The following METTL9 variants were observed in gnomAD, a reference collection of about 807,000 sequenced individuals.
The protein encoded by METTL9 is methyltransferase 9, His-X-His N1(pi)-histidine.
In METTL9, 10 loss-of-function variants were observed where a neutral mutation model predicts 36.0. The observed-to-expected ratio is 0.28, with a 90% confidence interval of 0.17 to 0.47. The LOEUF (loss-of-function observed/expected upper bound fraction) is 0.47, where lower values mean the gene tolerates loss of function less well. Among genes scored for constraint, METTL9 ranks in the 20% least tolerant of loss-of-function variants. METTL9 has a pLI of 0.99. For missense variants in METTL9, 246 were observed against 383.5 expected (o/e 0.64, Z 3.00); for synonymous variants, 175 against 149.7 (o/e 1.17, Z -1.23).
intron 4 of METTL9, chr16:21,644,402 T>A (rs746684864): frequency 6.3e-7 from 1 of 1,598,010 alleles, no homozygotes; most frequent in South Asian, 1.1e-5. Flanking sequence ...AATTTCTTAA[T>A]GACAAAAACA....
rs373414513 is a variant in METTL9, at chr16:21,655,465, C to A, written c.*33C>A. On this transcript the variant is annotated 3_prime_UTR_variant, in exon 5 of 5. Transcript: ENST00000358154. ...GAGGTCGAAGTCTTCAGAGTCCGCA[C>A]CCTCCGGGATGTGCCCTTGGAAGAG... 1.8e-5 allele frequency: 29 copies of A among 1,576,702 alleles called. No homozygotes were observed. The highest frequency in any genetic ancestry group is 2.7e-5 in the African/African-American group (2 of 74,030).
intron 4 of METTL9, among the ~76,000 whole-genome samples, chr16:21,636,546 T>C (rs1966097457): frequency 6.6e-6 from 1 of 152,192 alleles, no homozygotes; most frequent in Non-Finnish European, 1.5e-5. Context: ...ATAGATGGGC[T>C]AGTCTCGCTT....
At chr16:21,636,789 C>T (rs1314801610) in intron 4 of METTL9, among the ~76,000 whole-genome samples, 1 of 152,190 alleles carries the variant, frequency 6.6e-6, no homozygotes, top group Admixed American at 6.5e-5. Flanking sequence ...GCGCTAATCA[C>T]TTTTAACTGG....
chr16:21,622,141 C>CTTTTTTTTTTTTTTTTTTTTTT lies in METTL9; in HGVS notation c.567-2769_567-2768insTTTTTTTTTTTTTTTTTTTTTT, dbSNP rs541282506. ...ATAGGTGTGAGCCACCATGCCTGGC[C>CTTTTTTTTTTTTTTTTTTTTTT]TTTTTTTTTTTTTTTTTTTTTGAGA... is the stretch of plus-strand genomic sequence containing the variant. On this transcript the variant is annotated intron_variant, in intron 3 of 4. Coordinates refer to ENST00000358154, the MANE Select transcript of METTL9 (RefSeq NM_016025.5). Among the ~76,000 whole-genome samples the CTTTTTTTTTTTTTTTTTTTTTT allele has an allele frequency of 6.3e-3, 219 of 34,912 alleles. 66 individuals are homozygous for CTTTTTTTTTTTTTTTTTTTTTT. Among genetic ancestry groups the CTTTTTTTTTTTTTTTTTTTTTT allele is most frequent in the Middle Eastern group, 0.04 (2 of 50 alleles). 22.9% of individuals were successfully genotyped at this position (34,912 alleles called of 152,430 possible). A position where few individuals can be genotyped will look rare whatever the true frequency, so the allele number is the denominator to read the frequency against.
At chr16:21,652,533 G>A (rs910785304) in intron 4 of METTL9, 14 of 1,608,018 alleles carry the variant, frequency 8.7e-6, no homozygotes, top group African/African-American at 2.7e-5. Context: ...GAACCTTACC[G>A]ACACAAAATA....
intron 4 of METTL9, chr16:21,643,398 C>A: frequency 1.6e-6 from 1 of 629,064 alleles, no homozygotes; most frequent in East Asian, 2.7e-5. Flanking sequence ...AGTTTCTCAA[C>A]AATAGGAAAT....
At chr16:21,602,917 C>T (rs1478293960) in intron 1 of METTL9, among the ~76,000 whole-genome samples, 2 of 152,050 alleles carry the variant, frequency 1.3e-5, no homozygotes, top group African/African-American at 4.8e-5. Context: ...CCTGGGCCTC[C>T]CAAAGTGCTG....
chr16:21,626,567 C>T (rs1036299368), intron 4 of METTL9, among the ~76,000 whole-genome samples: 2 of 152,164 alleles, frequency 1.3e-5, no homozygotes, highest in African/African-American at 4.8e-5. Context: ...GAGAACAGAT[C>T]TCCCCTTTCC....
rs1417286601 is a variant in METTL9, at chr16:21,655,578, A to AT, written c.*148dup. The AT allele has an allele frequency of 1.5e-6, 1 of 687,152 alleles. No individual in the cohort carries two copies. Among genetic ancestry groups the AT allele is most frequent in the Non-Finnish European group, 2.4e-6 (1 of 412,958 alleles). The allele number at this position is 687,152 out of a possible 1,614,324, so 42.6% of individuals were successfully genotyped here. On this transcript the variant is annotated 3_prime_UTR_variant, in exon 5 of 5. Transcript: ENST00000358154. ...AGGAATTTAAAAAGCCAAAATACTAATTATTTCTTTGTAGTGTGTAAAGGA... is the reference window on the plus strand; with the variant it reads ...AGGAATTTAAAAAGCCAAAATACTAATTTATTTCTTTGTAGTGTGTAAAGGA...
chr16:21,645,543 A>G (rs529798173), intron 4 of METTL9, among the ~76,000 whole-genome samples: 4 of 152,350 alleles, frequency 2.6e-5, no homozygotes, highest in Admixed American at 1.3e-4. Flanking sequence ...AAACTAACAA[A>G]TTAACCACAT....
intron 4 of METTL9, chr16:21,647,381 G>A (rs1210455639): frequency 6.2e-7 from 1 of 1,614,174 alleles, no homozygotes; most frequent in Non-Finnish European, 8.5e-7. Context: ...TGGTTGCTCA[G>A]AAGGGCATCC....
chr16:21,632,413 T>C (rs989895985), intron 4 of METTL9, among the ~76,000 whole-genome samples: 53 of 152,264 alleles, frequency 3.5e-4, no homozygotes, highest in African/African-American at 1.3e-3. Context: ...GCCCTTTGTA[T>C]CCCATTCTCC....
chr16:21,639,868 T>C (rs926287592), intron 4 of METTL9: 1 of 152,214 alleles, frequency 6.6e-6, no homozygotes, highest in Non-Finnish European at 1.5e-5. Flanking sequence ...TATTTAACAA[T>C]TCTAAGTTTT....
intron 4 of METTL9, among the ~76,000 whole-genome samples, chr16:21,630,497 G>T (rs1219758643): frequency 2.0e-5 from 3 of 152,228 alleles, no homozygotes; most frequent in African/African-American, 7.2e-5. Context: ...CTAGCACGTT[G>T]TCACCTCTCA....
intron 1 of METTL9, among the ~76,000 whole-genome samples, chr16:21,605,991 C>T (rs1341945532): frequency 6.6e-6 from 1 of 152,086 alleles, no homozygotes; most frequent in African/African-American, 2.4e-5. Context: ...ACAACTCTAC[C>T]TTCACCCTAC....
rs537845200 is a variant in METTL9 at position 21,601,922 on chromosome 16, T to C, written c.165+2024T>C. 5.3e-5 allele frequency among the ~76,000 whole-genome samples: 8 copies of C among 152,260 alleles called. No homozygotes were observed. The East Asian group carries it at 1.3e-3, about 26-fold the overall frequency. ...TTCATATTATGAAAATAATCGTGCA[T>C]GAATAAAGATTAAAAGGAACAGAAG... On this transcript the variant is annotated intron_variant, in intron 1 of 4. Transcript: ENST00000358154.
intron 1 of METTL9, among the ~76,000 whole-genome samples, chr16:21,606,487 A>G (rs1804973543): frequency 6.6e-6 from 1 of 152,120 alleles, no homozygotes; most frequent in African/African-American, 2.4e-5. Flanking sequence ...CCACCCAACC[A>G]TCATATCAAT....
intron 2 of METTL9, among the ~76,000 whole-genome samples, chr16:21,616,252 G>T (rs1465439392): frequency 2.6e-5 from 4 of 152,126 alleles, no homozygotes; most frequent in Non-Finnish European, 5.9e-5. Flanking sequence ...AGGGTCTGAG[G>T]AGGAAGTGCC....
chr16:21,642,726 A>G (rs973296670), intron 4 of METTL9, among the ~76,000 whole-genome samples: 5 of 152,214 alleles, frequency 3.3e-5, no homozygotes, highest in African/African-American at 1.2e-4. Context: ...AAACATTTGC[A>G]GTATCTACTG....
Sources: allele counts gnomAD v4.1 joint callset (sites outside exome capture counted in the v4.1 genomes callset), GRCh38; gene constraint gnomAD v4.1.1; transcripts MANE v1.5; gene names NCBI Gene and HGNC (gene_info 2026-07-23, HGNC 2026-07-21).